The following TEAD4 variants were observed in gnomAD, a reference collection of about 807,000 sequenced individuals.
TEAD4 encodes TEA domain transcription factor 4, also known as transcriptional enhancer factor TEF-3.
Under a neutral mutation model 52.4 loss-of-function variants are expected in TEAD4, and 36 were observed. That is an observed-to-expected ratio of 0.69 (90% CI 0.53 to 0.91). The LOEUF (loss-of-function observed/expected upper bound fraction) is 0.91. Ranked by LOEUF, TEAD4 falls within the 40% of genes least tolerant of loss-of-function variation. The pLI is 0.00. For synonymous variants in TEAD4, 220 were observed against 231.0 expected (o/e 0.95, Z 0.43); for missense variants, 508 against 583.9 (o/e 0.87, Z 1.34).
At chr12:2,997,415 G>A (rs541631525) in intron 3 of TEAD4, among the ~76,000 whole-genome samples, 2 of 152,270 alleles carry the variant, frequency 1.3e-5, no homozygotes, top group South Asian at 4.1e-4. Context: ...TGTGGTGTTC[G>A]GTGCTTTGCA....
At chr12:2,988,867 C>A (rs1332333028) in intron 2 of TEAD4, among the ~76,000 whole-genome samples, 1 of 152,156 alleles carries the variant, frequency 6.6e-6, no homozygotes, top group Admixed American at 6.5e-5. Flanking sequence ...GGTGGAGGGA[C>A]CTGAAGGGTG....
rs1217029264 is a variant in TEAD4 at position 2,968,199 on chromosome 12, G to C, written c.-30+8159G>C. On this transcript the variant is annotated intron_variant, in intron 2 of 12. Transcript: ENST00000359864. Reference sequence around the variant, plus strand: ...CCTTCCGGGTTCAAGCGATTCTCCTGCCACAGCCTCCTGAGTAGCTGGAAT... The same window carrying C: ...CCTTCCGGGTTCAAGCGATTCTCCTCCCACAGCCTCCTGAGTAGCTGGAAT... 2.7e-5 allele frequency among the ~76,000 whole-genome samples: 4 copies of C among 147,070 alleles called. No homozygotes were observed. The East Asian group carries it at 8.3e-4, about 30-fold the overall frequency.
chr12:2,987,956 T>C (rs942628691), intron 2 of TEAD4, among the ~76,000 whole-genome samples: 2 of 151,150 alleles, frequency 1.3e-5, no homozygotes, highest in African/African-American at 2.4e-5. Flanking sequence ...TAATCCCAGC[T>C]ACTTGGGAGG....
rs950960616 is a variant in TEAD4 at position 2,994,712 on chromosome 12, C to T, written c.-29-26C>T. 4.3e-5 allele frequency: 66 copies of T among 1,537,544 alleles called. No individual in the cohort carries two copies. The highest frequency in any genetic ancestry group is 1.6e-4 in the East Asian group (7 of 44,062). Reference sequence around the variant, plus strand: ...CCCACGCAGTTCTTCCACTGCTCACCGGGGCTGTGGTTCCTGTCCCCACAG... The same window carrying T: ...CCCACGCAGTTCTTCCACTGCTCACTGGGGCTGTGGTTCCTGTCCCCACAG... On this transcript the variant is annotated intron_variant, in intron 2 of 12. Coordinates refer to ENST00000359864, the MANE Select transcript of TEAD4 (RefSeq NM_003213.4). This position sits in a 1 kb window ranked among gnomAD's most constrained non-coding sequence, Gnocchi z 4.7.
At chr12:2,990,100 T>G (rs1809604063) in intron 2 of TEAD4, among the ~76,000 whole-genome samples, 2 of 152,250 alleles carry the variant, frequency 1.3e-5, no homozygotes, top group Admixed American at 1.3e-4. Flanking sequence ...TCCAGATTGT[T>G]ACTTCTTTAT....
At chr12:2,980,931 G>A (rs2098233651) in intron 2 of TEAD4, among the ~76,000 whole-genome samples, 1 of 152,272 alleles carries the variant, frequency 6.6e-6, no homozygotes, top group African/African-American at 2.4e-5. Flanking sequence ...CTTCAGAGCC[G>A]CAGTCTGAGC....
At chr12:3,037,449 C>T (rs753494114) in intron 10 of TEAD4, among the ~76,000 whole-genome samples, 7 of 152,086 alleles carry the variant, frequency 4.6e-5, no homozygotes, top group Non-Finnish European at 7.4e-5. Context: ...AGGTCTCTGG[C>T]GAGACAAGAG....
chr12:3,022,521 G>A (rs940116771), intron 10 of TEAD4, among the ~76,000 whole-genome samples: 12 of 152,318 alleles, frequency 7.9e-5, no homozygotes, highest in Middle Eastern at 3.4e-3. Context: ...GCCCCAGGGC[G>A]AGGCCACCCC....
chr12:3,007,362 C>A (rs771685912), intron 3 of TEAD4, among the ~76,000 whole-genome samples: 10 of 152,202 alleles, frequency 6.6e-5, no homozygotes, highest in Admixed American at 3.9e-4. Context: ...CCTCGCTTGG[C>A]CAGGCCTCGG....
rs904767389 is a variant in TEAD4 at position 2,971,539 on chromosome 12, G to C, written c.-30+11499G>C. ...CGCCCAGGCTGGAGTGCTGTGGTGC[G>C]ATCTCGGCTCACTGCAAGCTCCGCC... On this transcript the variant is annotated intron_variant, in intron 2 of 12. Transcript: ENST00000359864. Among the ~76,000 whole-genome samples the C allele has an allele frequency of 6.1e-4, 93 of 151,570 alleles. 1 individual carries two copies. The highest frequency in any genetic ancestry group is 2.2e-3 in the African/African-American group (90 of 41,302).
chr12:2,962,418 C>T (rs1417586599), intron 2 of TEAD4, among the ~76,000 whole-genome samples: 1 of 150,328 alleles, frequency 6.7e-6, no homozygotes, highest in Non-Finnish European at 1.5e-5. Flanking sequence ...TCACCACAAC[C>T]TCTGCCTCCC....
chr12:3,004,596 C>G, intron 3 of TEAD4, among the ~76,000 whole-genome samples: 1 of 152,192 alleles, frequency 6.6e-6, no homozygotes, highest in South Asian at 2.1e-4. Context: ...GATTTCTCAA[C>G]CTTGCTGTTT....
Position 2,962,438 on chromosome 12 carries a change from C to T in TEAD4, c.-30+2398C>T, listed in dbSNP as rs941850361. Among the ~76,000 whole-genome samples, 5 of 151,018 alleles carry T rather than the reference C, an allele frequency of 3.3e-5. No individual in the cohort carries two copies. In the South Asian group the frequency reaches 1.0e-3, roughly 32 times the overall value. On this transcript the variant is annotated intron_variant, in intron 2 of 12. Transcript: ENST00000359864. ...ACAACCTCTGCCTCCCGGGTTCAAG[C>T]GATTCTCCTGCCTCAGCCTCCCAAG...
intron 2 of TEAD4, among the ~76,000 whole-genome samples, chr12:2,968,236 G>A (rs2098222083): frequency 1.3e-5 from 2 of 151,740 alleles, no homozygotes; most frequent in Admixed American, 1.3e-4. Flanking sequence ...ACGGGCATTT[G>A]CCACCATGCC....
intron 2 of TEAD4, among the ~76,000 whole-genome samples, chr12:2,981,422 A>G (rs1398272283): frequency 6.6e-6 from 1 of 152,218 alleles, no homozygotes; most frequent in Non-Finnish European, 1.5e-5. Flanking sequence ...CAGCACATTC[A>G]GGCAATCAGT....
chr12:2,979,546 C>T (rs1391631967), intron 2 of TEAD4, among the ~76,000 whole-genome samples: 4 of 152,220 alleles, frequency 2.6e-5, no homozygotes, highest in African/African-American at 9.6e-5. Context: ...TTTGTGGCTG[C>T]TCAGTGCACG....
intron 3 of TEAD4, among the ~76,000 whole-genome samples, chr12:3,003,180 A>G (rs1232818389): frequency 6.6e-6 from 1 of 152,160 alleles, no homozygotes; most frequent in African/African-American, 2.4e-5. Context: ...AGTGAACCAA[A>G]GATGTCCACG....
intron 10 of TEAD4, among the ~76,000 whole-genome samples, chr12:3,028,869 G>A (rs1050068325): frequency 2.0e-5 from 3 of 152,134 alleles, no homozygotes; most frequent in Admixed American, 2.0e-4. Context: ...GAGCTCAAGC[G>A]ATTCGCCTGC....
intron 2 of TEAD4, among the ~76,000 whole-genome samples, chr12:2,992,533 G>C (rs1351603413): frequency 6.6e-6 from 1 of 152,150 alleles, no homozygotes; most frequent in Non-Finnish European, 1.5e-5. Context: ...GGGGTTTGAG[G>C]GTATGGAGGG....
Sources: allele counts gnomAD v4.1 joint callset (sites outside exome capture counted in the v4.1 genomes callset), GRCh38; gene constraint gnomAD v4.1.1; non-coding constraint Gnocchi (gnomAD v3.1); transcripts MANE v1.5; gene names NCBI Gene and HGNC (gene_info 2026-07-23, HGNC 2026-07-21).